The following WBP2NL variants were observed in gnomAD, a reference collection of about 807,000 sequenced individuals.
WBP2NL encodes WBP2 N-terminal like.
WBP2NL carries 27 observed loss-of-function variants against 23.3 expected under a neutral mutation model. That is an observed-to-expected ratio of 1.16 (90% CI 0.85 to 1.60). The LOEUF is 1.60. WBP2NL is among the 40% of genes most tolerant of loss of function. WBP2NL has a pLI of 0.00. For missense variants in WBP2NL, 370 were observed against 389.5 expected, an observed-to-expected ratio of 0.95 and a Z score of 0.42; for synonymous variants, 151 against 145.9, an observed-to-expected ratio of 1.03 and a Z score of -0.25.
intron 1 of WBP2NL, among the ~76,000 whole-genome samples, chr22:42,010,874 A>G (rs1018165101): frequency 5.3e-5 from 8 of 152,160 alleles, no homozygotes; most frequent in Non-Finnish European, 1.2e-4. Context: ...CTTTTTCTGC[A>G]TCGATTGTGA....
intron 1 of WBP2NL, chr22:42,001,034 G>C (rs1921607396): frequency 4.3e-6 from 3 of 691,592 alleles, no homozygotes; most frequent in Non-Finnish European, 7.5e-6. Context: ...AATACAACAT[G>C]CCTGTTCAAA....
intron 1 of WBP2NL, chr22:42,001,213 G>A (rs1248810248): frequency 1.4e-6 from 1 of 724,860 alleles, no homozygotes; most frequent in Non-Finnish European, 2.5e-6. Flanking sequence ...ATGTGCCTGT[G>A]TACATGATGT....
chr22:42,008,170 T>TG (rs1922466220), intron 1 of WBP2NL, among the ~76,000 whole-genome samples: 4 of 141,418 alleles, frequency 2.8e-5, no homozygotes, highest in African/African-American at 8.0e-5. Flanking sequence ...TCCTTTCCTT[T>TG]CTCCCTCCCT....
rs1569449852 is a variant in WBP2NL at position 42,020,638 on chromosome 22, T to A, written c.406+542T>A. Among the ~76,000 whole-genome samples, 5 of 151,930 alleles carry A rather than the reference T, an allele frequency of 3.3e-5. No individual in the cohort carries two copies. In the South Asian group the frequency reaches 1.0e-3, roughly 32 times the overall value. ...TGACCTCAGATATCTACTGAGCGTC[T>A]CTTCCTTGGGTCAGGGAGCCCTTAG... On this transcript the variant is annotated intron_variant, in intron 4 of 5. Transcript: ENST00000328823.
downstream of WBP2NL, chr22:42,032,625 A>G (rs369894992): frequency 1.0e-4 from 37 of 352,676 alleles, no homozygotes; most frequent in East Asian, 2.8e-3. Context: ...TTATTCTGTT[A>G]CACAGATTAC....
At chr22:42,047,269 CAAAAAAAAAAAA>C (rs140516534) in intron 8 of WBP2NL, among the ~76,000 whole-genome samples, 11 of 101,496 alleles carry the variant, frequency 1.1e-4, no homozygotes, top group African/African-American at 3.9e-4. Context: ...TTTTCAAGCT[CAAAAAAAAAAAA>C]AAAAAAAAAG....
At chr22:42,001,483 A>G in intron 1 of WBP2NL, 2 of 943,786 alleles carry the variant, frequency 2.1e-6, no homozygotes, top group Non-Finnish European at 3.4e-6. Context: ...TGTAGATCTT[A>G]ACTAGGCAGT....
intron 5 of WBP2NL, among the ~76,000 whole-genome samples, chr22:42,023,048 T>G (rs889256594): frequency 1.3e-5 from 2 of 152,248 alleles, no homozygotes; most frequent in Non-Finnish European, 2.9e-5. Flanking sequence ...TTTAACATTT[T>G]TTCAGTTGGT....
At chr22:42,019,852 T>G in intron 3 of WBP2NL, 49 bp downstream of exon 3, 2 of 1,608,648 alleles carry the variant, frequency 1.2e-6, no homozygotes, top group Non-Finnish European at 1.7e-6. Flanking sequence ...CAAAATCTTC[T>G]AAAAGGTTTA....
At chr22:42,022,731 C>G (rs112570092) in intron 5 of WBP2NL, among the ~76,000 whole-genome samples, 2 of 152,162 alleles carry the variant, frequency 1.3e-5, no homozygotes, top group Admixed American at 1.3e-4. Flanking sequence ...ACTGAGGACT[C>G]GAGCCCTGGG....
chr22:42,003,922 GA>G (rs369395061), intron 1 of WBP2NL, among the ~76,000 whole-genome samples: 69 of 152,306 alleles, frequency 4.5e-4, no homozygotes, highest in Non-Finnish European at 6.6e-4. Context: ...GATGCTTTAG[GA>G]AAAGTTTATG....
chr22:42,022,186 G>A (rs1924041143), intron 4 of WBP2NL, 63 bp from the exon 5 acceptor site: 2 of 1,281,632 alleles, frequency 1.6e-6, no homozygotes, highest in Non-Finnish European at 2.3e-6. Context: ...TTGTTTAGTT[G>A]ATATCTGCTA....
intron 1 of WBP2NL, chr22:42,001,674 A>G: frequency 5.0e-6 from 6 of 1,205,476 alleles, no homozygotes; most frequent in Non-Finnish European, 7.4e-6. Flanking sequence ...CCATCCAGGA[A>G]GATCTGCTTG....
At chr22:42,022,124 T>C (rs995805585) in intron 4 of WBP2NL, 125 bp from the exon 5 acceptor site, 2 of 786,434 alleles carry the variant, frequency 2.5e-6, no homozygotes, top group African/African-American at 1.7e-5. Context: ...ATCTTGTGTC[T>C]CAAGAGCATT....
rs928670961 is a variant in WBP2NL, at chr22:42,049,461, T to C, written c.*274-8829T>C. On this transcript the variant is annotated intron_variant and NMD_transcript_variant, in intron 8 of 8. Transcript: ENST00000436265. ...ATCCTAGCACTTTGGGAGGCCAAGGTGGGTGGATCACGAGGTCAGGAGATT... is the reference window on the plus strand; with the variant it reads ...ATCCTAGCACTTTGGGAGGCCAAGGCGGGTGGATCACGAGGTCAGGAGATT... Among the ~76,000 whole-genome samples the C allele has an allele frequency of 4.6e-5, 7 of 151,884 alleles. No individual in the cohort carries two copies. The East Asian group carries it at 5.8e-4, about 13-fold the overall frequency.
chr22:42,042,115 A>G (rs1231884132), intron 8 of WBP2NL, among the ~76,000 whole-genome samples: 1 of 152,186 alleles, frequency 6.6e-6, no homozygotes, highest in Non-Finnish European at 1.5e-5. Context: ...TGACTTTGAC[A>G]GTTTCATTGT....
chr22:42,019,522 G>A (rs1022905051), intron 2 of WBP2NL, 103 bp downstream of exon 2: 17 of 1,535,156 alleles, frequency 1.1e-5, no homozygotes, highest in African/African-American at 1.1e-4. Flanking sequence ...TTAAACGTGC[G>A]CTTTGGGATT....
Position 42,056,915 on chromosome 22 carries a change from T to G in WBP2NL, c.*274-1375T>G, listed in dbSNP as rs551687450. Reference sequence around the variant, plus strand: ...GCCTTCTTGTTTCCATGGTTTCTGATGAGAAGTCAGTTGTAAATCTTATTG... The same window carrying G: ...GCCTTCTTGTTTCCATGGTTTCTGAGGAGAAGTCAGTTGTAAATCTTATTG... On this transcript the variant is annotated intron_variant and NMD_transcript_variant, in intron 8 of 8. Coordinates refer to the WBP2NL transcript ENST00000436265. Among the ~76,000 whole-genome samples the G allele has an allele frequency of 1.8e-4, 27 of 152,296 alleles. No individual in the cohort carries two copies. In the Middle Eastern group the frequency reaches 0.01, roughly 58 times the overall value.
Position 42,019,342 on chromosome 22 carries a change from T to C in WBP2NL, c.94T>C (p.Ser32Pro), listed in dbSNP as rs753473332. Residue 32 changes from serine (S) to proline (P), a missense_variant, in exon 2 of 6, where the codon TCC becomes CCC. Physicochemically the swap from Ser to Pro is moderately conservative, Grantham distance 74. Transcript: ENST00000328823. ...LLKRSPNVELSFPQRSEGSNV... is the reference protein window; with the variant it reads ...LLKRSPNVELPFPQRSEGSNV... Reference sequence around the variant, plus strand: ...GAAGCGGTCTCCGAATGTGGAGCTCTCCTTCCCACAGCGATCAGAAGGCTC... The same window carrying C: ...GAAGCGGTCTCCGAATGTGGAGCTCCCCTTCCCACAGCGATCAGAAGGCTC... 1.9e-6 allele frequency: 3 copies of C among 1,614,182 alleles called. No individual in the cohort carries two copies. The highest frequency in any genetic ancestry group is 2.2e-5 in the East Asian group (1 of 44,890).
Sources: gnomAD v4.1 joint callset for allele counts (sites outside exome capture counted in the v4.1 genomes callset) on GRCh38, gnomAD v4.1.1 for gene constraint, MANE v1.5 for transcripts, NCBI Gene and HGNC (gene_info 2026-07-23, HGNC 2026-07-21) for gene names.